Variants in KIF26B observed in about 807,000 individuals in gnomAD.
The protein encoded by KIF26B is kinesin-like protein KIF26B.
Under a neutral mutation model 151.2 loss-of-function variants are expected in KIF26B, and 63 were observed. The ratio of observed to expected loss-of-function variants is 0.42; its 90% CI spans 0.34 to 0.51. The LOEUF is 0.51. Ranked by LOEUF, KIF26B falls within the 20% of genes least tolerant of loss-of-function variation. KIF26B has a pLI of 0.07. For missense variants in KIF26B, 2,813 were observed against 2,913.6 expected, an observed-to-expected ratio of 0.97 and a Z score of 0.79; for synonymous variants, 1,357 against 1,262.1, an observed-to-expected ratio of 1.08 and a Z score of -1.59.
intron 5 of KIF26B, among the ~76,000 whole-genome samples, chr1:245,550,101 A>G (rs1402369097): frequency 6.6e-6 from 1 of 152,218 alleles, no homozygotes; most frequent in East Asian, 1.9e-4. Context: ...ACCGAGTGCT[A>G]GAGACAAATT....
chr1:245,389,650 A>C (rs967129328), intron 3 of KIF26B, among the ~76,000 whole-genome samples: 2 of 152,220 alleles, frequency 1.3e-5, no homozygotes, highest in African/African-American at 4.8e-5. Context: ...TATTTGACGC[A>C]GTAAATTATG....
intron 3 of KIF26B, among the ~76,000 whole-genome samples, chr1:245,386,234 G>C (rs647868): frequency 0.63 from 95,305 of 151,574 alleles, 30,130 homozygotes; most frequent in South Asian, 0.71. Context: ...GAGCAAGACT[G>C]TGTCTCAAAA....
chr1:245,616,320 C>T (rs762884810), intron 9 of KIF26B, among the ~76,000 whole-genome samples: 2 of 152,192 alleles, frequency 1.3e-5, no homozygotes, highest in South Asian at 2.1e-4. Context: ...CTCTGCTTTG[C>T]GAAGCTAAAT....
intron 4 of KIF26B, among the ~76,000 whole-genome samples, chr1:245,529,894 G>C (rs1363126260): frequency 1.3e-5 from 2 of 152,064 alleles, no homozygotes; most frequent in African/African-American, 4.8e-5. Context: ...ACAACCCACA[G>C]AATGGGAGAA....
intron 4 of KIF26B, among the ~76,000 whole-genome samples, chr1:245,526,781 A>G (rs947762877): frequency 4.6e-5 from 7 of 152,206 alleles, no homozygotes; most frequent in African/African-American, 7.2e-5. Context: ...TTGTTGCTTC[A>G]GGCAACAAAT....
intron 2 of KIF26B, among the ~76,000 whole-genome samples, chr1:245,268,236 G>A (rs1023143278): frequency 1.2e-4 from 18 of 152,026 alleles, no homozygotes; most frequent in South Asian, 2.1e-4. Flanking sequence ...TTGGGAAGCC[G>A]GGCCAGGTGG....
intron 9 of KIF26B, among the ~76,000 whole-genome samples, chr1:245,631,379 ATGATCT>A (rs1333691676): frequency 7.9e-5 from 12 of 152,134 alleles, no homozygotes; most frequent in African/African-American, 2.4e-5. Flanking sequence ...GTCTATTGAG[ATGATCT>A]TGTTGTTTTA....
intron 2 of KIF26B, among the ~76,000 whole-genome samples, chr1:245,190,029 C>CA (rs1553332939): frequency 6.6e-6 from 1 of 152,052 alleles, no homozygotes. Context: ...ATCTCCTCCC[C>CA]GGTCCCTCCC....
chr1:245,631,607 G>T (rs1224629857), intron 9 of KIF26B, among the ~76,000 whole-genome samples: 1 of 152,072 alleles, frequency 6.6e-6, no homozygotes, highest in African/African-American at 2.4e-5. Context: ...ATGGTGGCCT[G>T]GTTGCGTGAA....
chr1:245,589,668 G>T (rs1489930603), intron 5 of KIF26B, among the ~76,000 whole-genome samples: 1 of 152,202 alleles, frequency 6.6e-6, no homozygotes, highest in Non-Finnish European at 1.5e-5. Context: ...CTTTGTCTTA[G>T]ATAACTAGGT....
chr1:245,338,325 T>C (rs1672274420), intron 2 of KIF26B, among the ~76,000 whole-genome samples: 1 of 152,206 alleles, frequency 6.6e-6, no homozygotes, highest in Non-Finnish European at 1.5e-5. Context: ...TAAAGTTTTA[T>C]TGGAAACAAC....
At chr1:245,315,525 C>G (rs1167400892) in intron 2 of KIF26B, among the ~76,000 whole-genome samples, 1 of 151,976 alleles carries the variant, frequency 6.6e-6, no homozygotes, top group Non-Finnish European at 1.5e-5. Context: ...AGTTCAAGAC[C>G]AGCCTGGCCA....
intron 5 of KIF26B, among the ~76,000 whole-genome samples, chr1:245,593,219 T>G (rs989035626): frequency 1.3e-5 from 2 of 152,216 alleles, no homozygotes; most frequent in Admixed American, 6.5e-5. Context: ...ATGTATAGAA[T>G]GTGCAGGTTT....
chr1:245,272,347 G>A (rs1670867325), intron 2 of KIF26B, among the ~76,000 whole-genome samples: 1 of 151,976 alleles, frequency 6.6e-6, no homozygotes, highest in Non-Finnish European at 1.5e-5. Context: ...GATCACTTGA[G>A]CTCAGAAGTT....
Position 245,687,305 on chromosome 1 carries a change from G to A in KIF26B, c.4322G>A (p.Trp1441Ter). 1 of 1,606,060 alleles carries A rather than the reference G, an allele frequency of 6.2e-7. No individual in the cohort carries two copies. The part of the protein sequence containing the change: ...AKKEMKFEDP[W>*]LKREEEVKKE... ...AAAGAGATGAAATTTGAGGACCCGTGGCTGAAACGAGAAGAGGAAGTGAAA... is the reference window on the plus strand; with the variant it reads ...AAAGAGATGAAATTTGAGGACCCGTAGCTGAAACGAGAAGAGGAAGTGAAA... The change falls in exon 12 of 15, where the codon TGG (tryptophan) becomes TAG (stop). Residue 1441 changes from tryptophan (W) to a stop codon, truncating the protein, a stop_gained. Transcript: ENST00000407071. LOFTEE classifies it high-confidence loss of function. This position sits in a 1 kb window ranked among gnomAD's most constrained non-coding sequence, Gnocchi z 4.9.
chr1:245,394,203 T>C (rs957556483), intron 3 of KIF26B, among the ~76,000 whole-genome samples: 2 of 152,228 alleles, frequency 1.3e-5, no homozygotes, highest in Non-Finnish European at 2.9e-5. Flanking sequence ...TCCCATTTTC[T>C]CTGTCGTCGT....
At chr1:245,181,719 T>G (rs975622460) in intron 2 of KIF26B, among the ~76,000 whole-genome samples, 1 of 152,100 alleles carries the variant, frequency 6.6e-6, no homozygotes, top group Non-Finnish European at 1.5e-5. Flanking sequence ...AGGACTGATT[T>G]TCTTGGGAAA....
intron 4 of KIF26B, among the ~76,000 whole-genome samples, chr1:245,465,002 T>A (rs1756883): frequency 1.3e-4 from 18 of 135,134 alleles, no homozygotes; most frequent in East Asian, 1.3e-3. Context: ...TTTTTGAGAC[T>A]GAGTCTCACT....
chr1:245,263,705 C>CA (rs35525921), intron 2 of KIF26B, among the ~76,000 whole-genome samples: 2 of 152,040 alleles, frequency 1.3e-5, no homozygotes, highest in African/African-American at 4.8e-5. Context: ...CCCATTTCCC[C>CA]AAAAAAGGTA....
Sources: gnomAD v4.1 joint callset for allele counts (sites outside exome capture counted in the v4.1 genomes callset) on GRCh38, gnomAD v4.1.1 for gene constraint, Gnocchi (gnomAD v3.1) non-coding constraint, MANE v1.5 for transcripts, NCBI Gene and HGNC (gene_info 2026-07-23, HGNC 2026-07-21) for gene names.